Variants in NALF1 observed in about 807,000 individuals in gnomAD.
The protein encoded by NALF1 is family with sequence similarity 155 member A.
Under a neutral mutation model 48.4 loss-of-function variants are expected in NALF1, and 3 were observed. The observed-to-expected ratio is 0.06, with a 90% CI of 0.03 to 0.16. The LOEUF is 0.16. Ranked by LOEUF, NALF1 falls within the 10% of genes least tolerant of loss-of-function variation. The pLI is 1.00. For synonymous variants in NALF1, 262 were observed against 245.7 expected (o/e 1.07, Z -0.62); for missense variants, 526 against 571.5 (o/e 0.92, Z 0.81).
chr13:107,389,438 C>T (rs1315041550), intron 1 of NALF1, among the ~76,000 whole-genome samples: 2 of 152,024 alleles, frequency 1.3e-5, no homozygotes, highest in Non-Finnish European at 2.9e-5. Context: ...AGAAGAAAGA[C>T]GACATAGATA....
chr13:107,454,428 A>G (rs1884792197), intron 1 of NALF1, among the ~76,000 whole-genome samples: 1 of 152,194 alleles, frequency 6.6e-6, no homozygotes, highest in Non-Finnish European at 1.5e-5. Context: ...GACGTGCCCA[A>G]CAAAGTGGGA....
chr13:107,262,552 A>C (rs1880949256), intron 1 of NALF1, among the ~76,000 whole-genome samples: 1 of 152,240 alleles, frequency 6.6e-6, no homozygotes, highest in Non-Finnish European at 1.5e-5. Context: ...ATTCACTTCC[A>C]AAATGTATGT....
chr13:107,559,539 G>A (rs1877583191), intron 1 of NALF1, among the ~76,000 whole-genome samples: 1 of 152,144 alleles, frequency 6.6e-6, no homozygotes, highest in Non-Finnish European at 1.5e-5. Context: ...AGCTCAGGCT[G>A]AGGAGGCATG....
intron 1 of NALF1, among the ~76,000 whole-genome samples, chr13:107,847,157 T>C (rs1017401448): frequency 2.0e-5 from 3 of 152,218 alleles, no homozygotes; most frequent in Admixed American, 1.3e-4. Context: ...ATTTTCCTTA[T>C]GCAGAATAAT....
chr13:107,651,114 TATTTG>T (rs1432586350), intron 1 of NALF1, among the ~76,000 whole-genome samples: 2 of 101,826 alleles, frequency 2.0e-5, no homozygotes, highest in African/African-American at 6.6e-5. Flanking sequence ...TTCATTGCTT[TATTTG>T]ATTTGTTTAA....
At chr13:107,349,775 T>C (rs1033190782) in intron 1 of NALF1, among the ~76,000 whole-genome samples, 3 of 151,800 alleles carry the variant, frequency 2.0e-5, no homozygotes, top group Non-Finnish European at 4.4e-5. Context: ...GTAGCTGATT[T>C]ATCTCCTCCG....
intron 1 of NALF1, among the ~76,000 whole-genome samples, chr13:107,359,544 A>T (rs188799545): frequency 7.6e-4 from 116 of 152,240 alleles, no homozygotes; most frequent in African/African-American, 2.7e-3. Context: ...TATTAATTAC[A>T]AAAATTATAA....
chr13:107,799,790 A>G (rs2138595180), intron 1 of NALF1, among the ~76,000 whole-genome samples: 1 of 152,314 alleles, frequency 6.6e-6, no homozygotes, highest in African/African-American at 2.4e-5. Flanking sequence ...GGGGTTCCAG[A>G]TATTTTTCAG....
intron 1 of NALF1, among the ~76,000 whole-genome samples, chr13:107,766,337 GAATA>G (rs1350399812): frequency 6.6e-6 from 1 of 152,100 alleles, no homozygotes; most frequent in Non-Finnish European, 1.5e-5. Context: ...CTTTGCAAAA[GAATA>G]AATAACCGAT....
chr13:107,751,717 G>A (rs1388977709), intron 1 of NALF1, among the ~76,000 whole-genome samples: 1 of 151,984 alleles, frequency 6.6e-6, no homozygotes, highest in African/African-American at 2.4e-5. Context: ...ATCATGATGA[G>A]GAATGTAACA....
Position 107,277,304 on chromosome 13 carries a change from A to T in NALF1, c.916-66549T>A, listed in dbSNP as rs184324341. 1.2e-3 allele frequency among the ~76,000 whole-genome samples: 182 copies of T among 152,252 alleles called. 3 individuals carry two copies. Among genetic ancestry groups the T allele is most frequent in the African/African-American group, 4.0e-3 (167 of 41,542 alleles). Reference sequence around the variant, plus strand: ...TATCCTAATTATTAATACAACTATAATGTTAGCAAACAGTATACAATTTTA... The same window carrying T: ...TATCCTAATTATTAATACAACTATATTGTTAGCAAACAGTATACAATTTTA... On this transcript the variant is annotated intron_variant, in intron 1 of 2. Transcript: ENST00000375915.
At chr13:107,428,878 C>T (rs990785420) in intron 1 of NALF1, among the ~76,000 whole-genome samples, 12 of 152,138 alleles carry the variant, frequency 7.9e-5, no homozygotes, top group Admixed American at 2.0e-4. Flanking sequence ...AAGAACCTTC[C>T]ATATAATGGC....
chr13:107,360,605 T>C (rs1290627978), intron 1 of NALF1, among the ~76,000 whole-genome samples: 1 of 152,192 alleles, frequency 6.6e-6, no homozygotes, highest in Non-Finnish European at 1.5e-5. Context: ...TACCTGCTTT[T>C]TCACATTCTG....
At chr13:107,298,375 A>AAAAAAAAAAC in intron 1 of NALF1, among the ~76,000 whole-genome samples, 2 of 149,642 alleles carry the variant, frequency 1.3e-5, no homozygotes, top group Non-Finnish European at 1.5e-5. Context: ...AAAAAAAAAA[A>AAAAAAAAAAC]AAAAAGACAA....
intron 2 of NALF1, among the ~76,000 whole-genome samples, chr13:107,191,240 C>A (rs1225885926): frequency 6.6e-6 from 1 of 150,506 alleles, no homozygotes; most frequent in Non-Finnish European, 1.5e-5. Flanking sequence ...ATGGAAAGGA[C>A]TCTGATAATG....
intron 1 of NALF1, among the ~76,000 whole-genome samples, chr13:107,666,912 A>C (rs1271156308): frequency 6.6e-6 from 1 of 152,142 alleles, no homozygotes; most frequent in Non-Finnish European, 1.5e-5. Context: ...TCAGTGCCTC[A>C]GACTAGATCC....
intron 1 of NALF1, among the ~76,000 whole-genome samples, chr13:107,799,744 G>T (rs1422913726): frequency 6.6e-6 from 1 of 152,164 alleles, no homozygotes; most frequent in Non-Finnish European, 1.5e-5. Flanking sequence ...AGTGTGTTAA[G>T]ATTAGGTCAG....
chr13:107,847,541 G>A (rs1179310062), intron 1 of NALF1, among the ~76,000 whole-genome samples: 1 of 152,198 alleles, frequency 6.6e-6, no homozygotes, highest in African/African-American at 2.4e-5. Flanking sequence ...GTCTTACTGA[G>A]AAACATTCCC....
At chr13:107,324,042 G>C (rs1260092004) in intron 1 of NALF1, among the ~76,000 whole-genome samples, 2 of 152,124 alleles carry the variant, frequency 1.3e-5, no homozygotes, top group African/African-American at 4.8e-5. Context: ...CCAAGAATTC[G>C]AGGTTACAGT....
Sources: allele counts gnomAD v4.1 joint callset (sites outside exome capture counted in the v4.1 genomes callset), GRCh38; gene constraint gnomAD v4.1.1; transcripts MANE v1.5; gene names NCBI Gene and HGNC (gene_info 2026-07-23, HGNC 2026-07-21).